Variants in CPT2 observed in about 807,000 individuals in gnomAD.
CPT2 encodes the protein carnitine palmitoyltransferase 2, also known as carnitine O-palmitoyltransferase 2, mitochondrial.
A neutral mutation model predicts 48.6 loss-of-function variants in CPT2; 37 were observed. That is an observed-to-expected ratio of 0.76 (90% confidence interval 0.59 to 1.00). CPT2 has a LOEUF of 1.00. CPT2 is among the 50% of genes least tolerant of loss of function. CPT2 has a pLI of 0.00. For synonymous variants in CPT2, 319 were observed against 326.9 expected (o/e 0.98, Z 0.26); for missense variants, 772 against 825.6 (o/e 0.94, Z 0.80).
At chr1:53,209,033 A>G (rs1365489700) in intron 3 of CPT2, 1 of 152,202 alleles carries the variant, frequency 6.6e-6, no homozygotes, top group Non-Finnish European at 1.5e-5. Context: ...AGCTATGTCC[A>G]TACAAAAACA....
At chr1:53,205,157 A>G (rs1645379522) in intron 3 of CPT2, among the ~76,000 whole-genome samples, 1 of 152,202 alleles carries the variant, frequency 6.6e-6, no homozygotes, top group Non-Finnish European at 1.5e-5. Context: ...TAGAGAGTTG[A>G]ATGGTTTTGA....
Position 53,213,888 on chromosome 1 carries a change from T to G in CPT2, c.*293T>G. 5.0e-6 allele frequency: 2 copies of G among 398,740 alleles called. No individual in the cohort carries two copies. The highest frequency in any genetic ancestry group is 4.3e-5 in the South Asian group (2 of 46,018). 24.7% of individuals were successfully genotyped at this position (398,740 alleles called of 1,614,324 possible). On this transcript the variant is annotated 3_prime_UTR_variant, in exon 5 of 5. Transcript: ENST00000371486. ...TTGCAGTGAGCTGAGATCACACCAC[T>G]GCACTCCGGCCTGGGCGACAGAGCG...
intron 3 of CPT2, chr1:53,207,686 C>T (rs1441455279): frequency 6.6e-6 from 1 of 152,202 alleles, no homozygotes; most frequent in Non-Finnish European, 1.5e-5. Flanking sequence ...TGGTCTTGAT[C>T]TCCTGACCTC....
rs760981841 is a variant in CPT2 at position 53,210,264 on chromosome 1, CCT to C, written c.595_596del (p.Leu199ValfsTer34). The C allele has an allele frequency of 6.2e-7, 1 of 1,614,036 alleles. No homozygotes were observed. Among genetic ancestry groups the C allele is most frequent in the Non-Finnish European group, 8.5e-7 (1 of 1,180,034 alleles). ...AAGAGACTCATACGCTTTGTGCCTT[CCT>C]CTCTGTCCTGGTATGGGGCCTACCT... On this transcript the variant is annotated frameshift_variant, in exon 4 of 5. Transcript: ENST00000371486. LOFTEE classifies it high-confidence loss of function.
chr1:53,206,053 G>A (rs1407927683), intron 3 of CPT2, among the ~76,000 whole-genome samples: 3 of 151,980 alleles, frequency 2.0e-5, no homozygotes, highest in South Asian at 2.1e-4. Context: ...GTGTGGTGGC[G>A]TGCACCTGTG....
At chr1:53,201,356 G>C (rs1426924792) in intron 2 of CPT2, 1 of 166,088 alleles carries the variant, frequency 6.0e-6, no homozygotes, top group Non-Finnish European at 1.3e-5. Context: ...AGCGGTGTGA[G>C]GACACAGGCA....
intron 3 of CPT2, among the ~76,000 whole-genome samples, chr1:53,205,764 G>C (rs2100266084): frequency 6.6e-6 from 1 of 152,356 alleles, no homozygotes; most frequent in Admixed American, 6.5e-5. Flanking sequence ...TCCAGCTCCA[G>C]CCATGGCTAA....
Position 53,204,436 on chromosome 1 carries a change from ATT to A in CPT2, c.340+2015_340+2016del, listed in dbSNP as rs1049329545. On this transcript the variant is annotated intron_variant, in intron 3 of 4. Transcript: ENST00000371486. ...TTTTAAAAATAGTTTATCTCTGATA[ATT>A]TTTTTTTAAGATCTCTTCTCTCTTC... 2.0e-5 allele frequency: 3 copies of A among 151,426 alleles called. No homozygotes were observed. In the East Asian group the frequency reaches 5.8e-4, roughly 29 times the overall value. The allele number at this position is 151,426 out of a possible 1,614,324, so 9.4% of individuals were successfully genotyped here.
chr1:53,199,081 G>C (rs1645340285), intron 1 of CPT2, among the ~76,000 whole-genome samples: 1 of 4,324 alleles, frequency 2.3e-4, no homozygotes, highest in South Asian at 0.062. Context: ...TGGTTTTTTT[G>C]AGACAGTCTC....
intron 4 of CPT2, 54 bp from the exon 5 acceptor site, chr1:53,213,210 T>G (rs941333541): frequency 1.3e-6 from 2 of 1,594,872 alleles, no homozygotes; most frequent in African/African-American, 2.7e-5. Context: ...TGGGAGGTTT[T>G]CCTGAGGTCC....
intron 1 of CPT2, among the ~76,000 whole-genome samples, chr1:53,198,227 G>A (rs1645335603): frequency 6.6e-6 from 1 of 152,072 alleles, no homozygotes; most frequent in South Asian, 2.1e-4. Context: ...TCACCAAACT[G>A]CCCTCAGGGA....
intron 2 of CPT2, 139 bp downstream of exon 2, chr1:53,200,938 G>C (rs957589651): frequency 5.5e-6 from 4 of 732,576 alleles, no homozygotes; most frequent in East Asian, 2.6e-5. Context: ...ACATCTGCAA[G>C]TTCAGGAAAT....
chr1:53,211,910 GGA>G (rs1192802978), intron 4 of CPT2, among the ~76,000 whole-genome samples: 3 of 141,942 alleles, frequency 2.1e-5, no homozygotes, highest in Admixed American at 2.1e-4. Context: ...TTTTTTTTTT[GGA>G]GACACGGTCT....
chr1:53,202,636 A>G (rs1645360942), intron 3 of CPT2: 1 of 605,420 alleles, frequency 1.7e-6, no homozygotes, highest in Non-Finnish European at 3.0e-6. Context: ...CTCAAGAATG[A>G]TGGCCAGCCT....
chr1:53,208,178 G>A (rs1296708700), intron 3 of CPT2: 1 of 152,148 alleles, frequency 6.6e-6, no homozygotes, highest in African/African-American at 2.4e-5. Flanking sequence ...ATTGCGTTAT[G>A]TTTTAATTAT....
chr1:53,211,302 C>A lies in CPT2; in HGVS notation c.1628C>A (p.Thr543Asn). The A allele has an allele frequency of 6.2e-7, 1 of 1,607,304 alleles. No individual in the cohort carries two copies. Among genetic ancestry groups the A allele is most frequent in the East Asian group, 2.2e-5 (1 of 44,506 alleles). ...TGCTCCAAGTACCATGGCCAGCTGACCAAAGAAGCAGCAATGGGTGAGGCA... is the reference window on the plus strand; with the variant it reads ...TGCTCCAAGTACCATGGCCAGCTGAACAAAGAAGCAGCAATGGGTGAGGCA... ...VECSKYHGQL[T>N]KEAAMGQGFD... The change falls in exon 4 of 5, where the codon ACC becomes AAC. Residue 543 changes from threonine to asparagine, a missense_variant. Thr to Asn is a moderately conservative substitution (Grantham distance 65, BLOSUM62 0). Transcript: ENST00000371486.
intron 1 of CPT2, chr1:53,197,574 G>A: frequency 4.0e-6 from 1 of 248,884 alleles, no homozygotes; most frequent in South Asian, 3.9e-5. Context: ...CTTCACCCCT[G>A]TCACTCAGGA....
chr1:53,206,708 C>T (rs78717670), intron 3 of CPT2, among the ~76,000 whole-genome samples: 23,440 of 152,262 alleles, frequency 0.15, 2,257 homozygotes, highest in African/African-American at 0.27. Flanking sequence ...TTACCCAATG[C>T]TTGTAACACC....
intron 1 of CPT2, 36 bp downstream of exon 1, chr1:53,197,131 C>CG: frequency 6.5e-7 from 1 of 1,536,086 alleles, no homozygotes; most frequent in Non-Finnish European, 8.7e-7. Flanking sequence ...CGCCCGCCGC[C>CG]GTCCCAGGAT....
Sources: gnomAD v4.1 joint callset for allele counts (sites outside exome capture counted in the v4.1 genomes callset) on GRCh38, gnomAD v4.1.1 for gene constraint, MANE v1.5 for transcripts, NCBI Gene and HGNC (gene_info 2026-07-23, HGNC 2026-07-21) for gene names.